Variants in IL1RAPL2 observed in about 807,000 individuals in gnomAD.
IL1RAPL2 encodes X-linked interleukin-1 receptor accessory protein-like 2.
In IL1RAPL2, 3 loss-of-function variants were observed where a neutral mutation model predicts 44.1. That is an observed-to-expected ratio of 0.07 (90% confidence interval 0.03 to 0.18). IL1RAPL2 has a LOEUF of 0.18. Among genes scored for constraint, IL1RAPL2 ranks in the 10% least tolerant of loss-of-function variants. IL1RAPL2 has a pLI of 1.00. For missense variants in IL1RAPL2, 391 were observed against 496.4 expected, an observed-to-expected ratio of 0.79 and a Z score of 2.02; for synonymous variants, 181 against 178.8, an observed-to-expected ratio of 1.01 and a Z score of -0.10.
At chrX:104,813,607 T>C (rs1256215003) in intron 2 of IL1RAPL2, among the ~76,000 whole-genome samples, 6 of 111,575 alleles carry the variant, frequency 5.4e-5, no homozygotes, top group African/African-American at 2.0e-4. Flanking sequence ...ACCTCCCAGA[T>C]CTGTGTAAAT....
chrX:105,029,959 TG>T (rs1029040305), intron 2 of IL1RAPL2, among the ~76,000 whole-genome samples: 5 of 111,874 alleles, frequency 4.5e-5, no homozygotes, highest in Admixed American at 1.9e-4. Flanking sequence ...TGGTGTGAGA[TG>T]GTATCTCATT....
intron 6 of IL1RAPL2, among the ~76,000 whole-genome samples, chrX:105,713,224 T>G (rs1309028003): frequency 9.0e-6 from 1 of 111,685 alleles, no homozygotes; most frequent in Non-Finnish European, 1.9e-5. Flanking sequence ...AGTGGCCCAG[T>G]GGGGACTCTC....
intron 7 of IL1RAPL2, among the ~76,000 whole-genome samples, chrX:105,721,857 C>T (rs2038307710): frequency 8.9e-6 from 1 of 111,953 alleles, no homozygotes; most frequent in Non-Finnish European, 1.9e-5. Context: ...GAAAATTTCA[C>T]AAGACCCTAC....
intron 1 of IL1RAPL2, among the ~76,000 whole-genome samples, chrX:104,629,079 T>G (rs1929580385): frequency 8.9e-6 from 1 of 112,165 alleles, no homozygotes; most frequent in Non-Finnish European, 1.9e-5. Flanking sequence ...TATGCATGCA[T>G]AAGAATGTGT....
intron 2 of IL1RAPL2, among the ~76,000 whole-genome samples, chrX:104,950,112 G>A (rs941572321): frequency 9.9e-5 from 11 of 111,456 alleles, no homozygotes; most frequent in African/African-American, 3.3e-4. Flanking sequence ...TCCTGTATTG[G>A]GTGCGTATAT....
intron 2 of IL1RAPL2, among the ~76,000 whole-genome samples, chrX:104,847,478 G>T (rs1191305907): frequency 9.0e-6 from 1 of 111,375 alleles, no homozygotes; most frequent in South Asian, 3.8e-4. Context: ...GTTTTTGTCA[G>T]GTTTGTCAAA....
intron 2 of IL1RAPL2, among the ~76,000 whole-genome samples, chrX:105,145,163 C>G (rs1027423997): frequency 8.9e-6 from 1 of 111,844 alleles, no homozygotes; most frequent in African/African-American, 3.3e-5. Context: ...TTTCTAACAC[C>G]AAACCAGTCT....
intron 2 of IL1RAPL2, among the ~76,000 whole-genome samples, chrX:105,149,736 G>A (rs1280637338): frequency 1.8e-5 from 2 of 110,349 alleles, no homozygotes; most frequent in Non-Finnish European, 3.8e-5. Flanking sequence ...GGGAGGCTGA[G>A]GCAGGGAGAA....
At chrX:105,632,234 A>G (rs2037496706) in intron 6 of IL1RAPL2, among the ~76,000 whole-genome samples, 1 of 111,338 alleles carries the variant, frequency 9.0e-6, no homozygotes, top group South Asian at 3.7e-4. Flanking sequence ...TATATTCTCC[A>G]CTGAATCTAG....
At chrX:104,693,983 C>A (rs1200440638) in intron 2 of IL1RAPL2, among the ~76,000 whole-genome samples, 1 of 111,886 alleles carries the variant, frequency 8.9e-6, no homozygotes, top group Non-Finnish European at 1.9e-5. Flanking sequence ...AATTGCCTTT[C>A]ATTTTTAATA....
At chrX:104,748,249 T>C (rs1027203805) in intron 2 of IL1RAPL2, among the ~76,000 whole-genome samples, 1 of 111,855 alleles carries the variant, frequency 8.9e-6, no homozygotes, top group African/African-American at 3.2e-5. Flanking sequence ...GATTCAATCT[T>C]TGAAGAAAAT....
chrX:104,828,564 G>A (rs950701328), intron 2 of IL1RAPL2, among the ~76,000 whole-genome samples: 8 of 95,866 alleles, frequency 8.3e-5, no homozygotes, highest in Non-Finnish European at 1.2e-4. Context: ...GGTGTCTGTC[G>A]ACCCCTGTTG....
At chrX:105,186,019 T>C (rs1216389528) in intron 2 of IL1RAPL2, among the ~76,000 whole-genome samples, 1 of 111,889 alleles carries the variant, frequency 8.9e-6, no homozygotes, top group African/African-American at 3.2e-5. Context: ...ATATAACAAC[T>C]ATTTACATTG....
At chrX:105,701,820 T>G (rs931731423) in intron 6 of IL1RAPL2, among the ~76,000 whole-genome samples, 2 of 112,040 alleles carry the variant, frequency 1.8e-5, no homozygotes, top group Non-Finnish European at 3.8e-5. Flanking sequence ...CTTTTTCTTT[T>G]GTTTTGCTGT....
chrX:104,626,440 T>G (rs1466050404), intron 1 of IL1RAPL2, among the ~76,000 whole-genome samples: 1 of 110,337 alleles, frequency 9.1e-6, no homozygotes, highest in African/African-American at 3.3e-5. Context: ...AACAGTCCTT[T>G]GGTAGCCCCA....
chrX:104,846,424 C>T (rs1348278592), intron 2 of IL1RAPL2, among the ~76,000 whole-genome samples: 3 of 110,248 alleles, frequency 2.7e-5, no homozygotes, highest in African/African-American at 6.6e-5. Context: ...TCAATTCCCA[C>T]CTATGAGTGA....
At chrX:105,367,980 C>A (rs1187173169) in intron 5 of IL1RAPL2, among the ~76,000 whole-genome samples, 1 of 109,283 alleles carries the variant, frequency 9.2e-6, no homozygotes, top group Non-Finnish European at 1.9e-5. Context: ...TTTTTTTAAT[C>A]TCCCCTTCAT....
intron 2 of IL1RAPL2, among the ~76,000 whole-genome samples, chrX:104,953,417 A>C (rs758780497): frequency 8.9e-6 from 1 of 112,145 alleles, no homozygotes; most frequent in African/African-American, 3.2e-5. Flanking sequence ...CATACATGCC[A>C]CATATCCTAC....
intron 5 of IL1RAPL2, among the ~76,000 whole-genome samples, chrX:105,393,832 C>G (rs995295213): frequency 8.9e-6 from 1 of 111,767 alleles, no homozygotes; most frequent in African/African-American, 3.2e-5. Flanking sequence ...TTTGACATAT[C>G]TCTTCTCATT....
Sources: allele counts gnomAD v4.1 joint callset (sites outside exome capture counted in the v4.1 genomes callset), GRCh38; gene constraint gnomAD v4.1.1; transcripts MANE v1.5; gene names NCBI Gene and HGNC (gene_info 2026-07-23, HGNC 2026-07-21).